Variants in LTBP2 observed in about 807,000 individuals in gnomAD.
The protein encoded by LTBP2 is latent-transforming growth factor beta-binding protein 2.
LTBP2 carries 103 observed loss-of-function variants against 210.6 expected under a neutral mutation model. The ratio of observed to expected loss-of-function variants is 0.49; its 90% confidence interval spans 0.42 to 0.58. The LOEUF (loss-of-function observed/expected upper bound fraction) is 0.58, where lower values mean the gene tolerates loss of function less well. LTBP2 is among the 20% of genes least tolerant of loss of function. The pLI is 0.00. For synonymous variants in LTBP2, 1,007 were observed against 1,015.0 expected, an observed-to-expected ratio of 0.99 and a Z score of 0.15; for missense variants, 2,313 against 2,494.5, an observed-to-expected ratio of 0.93 and a Z score of 1.55.
intron 28 of LTBP2, among the ~76,000 whole-genome samples, 155 bp downstream of exon 28, chr14:74,505,893 C>T (rs961456055): frequency 6.6e-6 from 1 of 152,178 alleles, no homozygotes; most frequent in African/African-American, 2.4e-5. Flanking sequence ...CTCCTCACCC[C>T]TCCATGCACC....
chr14:74,502,768 G>T lies in LTBP2; in HGVS notation c.5055C>A (p.Thr1685=). ...PFYNYLGPED[T]VPEPAFPNTA... ...TGTTGGGGAAGGCAGGCTCAGGGAC[G>T]GTGTCCTCGGGGCCCAGGTAGTTGT... The change falls in exon 34 of 36, where the codon ACC becomes ACA. Residue 1685 remains threonine, a synonymous_variant. Coordinates refer to ENST00000261978, the MANE Select transcript of LTBP2 (RefSeq NM_000428.3). 6.2e-7 allele frequency: 1 copy of T among 1,614,172 alleles called. No individual in the cohort carries two copies. The highest frequency in any genetic ancestry group is 8.5e-7 in the Non-Finnish European group (1 of 1,180,020).
intron 8 of LTBP2, among the ~76,000 whole-genome samples, chr14:74,545,099 G>C (rs2087561271): frequency 6.6e-6 from 1 of 152,180 alleles, no homozygotes; most frequent in Non-Finnish European, 1.5e-5. Flanking sequence ...CTTGGCTGCA[G>C]AATTCCAGTC....
At chr14:74,505,869 G>A (rs1016674546) in intron 28 of LTBP2, among the ~76,000 whole-genome samples, 179 bp downstream of exon 28, 4 of 152,048 alleles carry the variant, frequency 2.6e-5, no homozygotes, top group South Asian at 2.1e-4. Flanking sequence ...GTTTTGCTGC[G>A]CGCGGCCCTC....
rs2088214350 is a variant in LTBP2, at chr14:74,586,971, C to T, written c.566-853G>A. Reference sequence around the variant, plus strand: ...AGCCGGAGGCAAGGTGGAGCTGAAACCAGGCCCTCCTCCCGGTTAGCCCTA... The same window carrying T: ...AGCCGGAGGCAAGGTGGAGCTGAAATCAGGCCCTCCTCCCGGTTAGCCCTA... On this transcript the variant is annotated intron_variant, in intron 2 of 35. Coordinates refer to ENST00000261978, the MANE Select transcript of LTBP2 (RefSeq NM_000428.3). This position sits in a 1 kb window ranked among gnomAD's most constrained non-coding sequence, Gnocchi z 4.6. Among the ~76,000 whole-genome samples the T allele has an allele frequency of 6.6e-6, 1 of 152,216 alleles. No homozygotes were observed. The highest frequency in any genetic ancestry group is 1.5e-5 in the Non-Finnish European group (1 of 68,038).
chr14:74,565,118 T>C (rs925321016), intron 3 of LTBP2, among the ~76,000 whole-genome samples: 72 of 152,270 alleles, frequency 4.7e-4, no homozygotes, highest in African/African-American at 1.7e-3. Context: ...ACTTTTTCAC[T>C]CATTCAAAGG....
Position 74,611,984 on chromosome 14 carries a change from G to T in LTBP2, c.-40C>A. The T allele has an allele frequency of 1.3e-6, 2 of 1,514,878 alleles. No homozygotes were observed. Among genetic ancestry groups the T allele is most frequent in the Non-Finnish European group, 8.8e-7 (1 of 1,140,566 alleles). The allele number at this position is 1,514,878 out of a possible 1,614,324, so 93.8% of individuals were successfully genotyped here. A position where few individuals can be genotyped will look rare whatever the true frequency, so the allele number is the denominator to read the frequency against. ...GGAGAGTGGTGCGCGCGGGCACCGC[G>T]AAGAGCTTTGTGGTCGGCACGCTGG... is the stretch of plus-strand genomic sequence containing the variant. On this transcript the variant is annotated 5_prime_UTR_variant, in exon 1 of 36. Transcript: ENST00000261978.
intron 2 of LTBP2, among the ~76,000 whole-genome samples, chr14:74,594,205 C>A (rs1309983411): frequency 1.3e-5 from 2 of 152,092 alleles, no homozygotes; most frequent in African/African-American, 4.8e-5. Context: ...CAGGCCCCTC[C>A]CCACTGCCAC....
intron 23 of LTBP2, 27 bp downstream of exon 23, chr14:74,508,803 C>A: frequency 1.2e-6 from 2 of 1,613,490 alleles, no homozygotes; most frequent in Non-Finnish European, 1.7e-6. Context: ...GCCCCCCACC[C>A]CCAGTAGGGT....
At chr14:74,600,278 G>C (rs1490615983) in intron 2 of LTBP2, among the ~76,000 whole-genome samples, 1 of 152,240 alleles carries the variant, frequency 6.6e-6, no homozygotes, top group African/African-American at 2.4e-5. Flanking sequence ...CAAGTGGGAG[G>C]GGCTGTTGCC....
chr14:74,525,438 T>A (rs2087260411), intron 14 of LTBP2, among the ~76,000 whole-genome samples: 1 of 152,224 alleles, frequency 6.6e-6, no homozygotes, highest in East Asian at 1.9e-4. Context: ...TAATCCTCCA[T>A]GTCAGGGCCA....
chr14:74,508,503 T>C, intron 24 of LTBP2, 101 bp downstream of exon 24: 6 of 1,533,262 alleles, frequency 3.9e-6, no homozygotes, highest in African/African-American at 1.4e-5. Flanking sequence ...GGGACACCAC[T>C]CTAGTCTTAG....
At chr14:74,518,652 T>C (rs1321574599) in intron 17 of LTBP2, among the ~76,000 whole-genome samples, 1 of 152,218 alleles carries the variant, frequency 6.6e-6, no homozygotes, top group South Asian at 2.1e-4. Flanking sequence ...ACTGAAGGAA[T>C]TGAATAATAA....
chr14:74,586,244 C>CT lies in LTBP2; in HGVS notation c.566-127dup. 1.8e-6 allele frequency: 2 copies of CT among 1,103,016 alleles called. No individual in the cohort carries two copies. The highest frequency in any genetic ancestry group is 2.6e-6 in the Non-Finnish European group (2 of 776,808). The allele number at this position is 1,103,016 out of a possible 1,614,324, so 68.3% of individuals were successfully genotyped here. On this transcript the variant is annotated intron_variant, in intron 2 of 35. Transcript: ENST00000261978. This position sits in a 1 kb window ranked among gnomAD's most constrained non-coding sequence, Gnocchi z 4.6. ...CCTGTCGCTCAAGCAGGAAGCCACT[C>CT]TCCTGGCCTCAGGGGGCTCCCTGAC...
intron 3 of LTBP2, among the ~76,000 whole-genome samples, chr14:74,583,491 G>A (rs972346918): frequency 1.3e-5 from 2 of 152,238 alleles, no homozygotes; most frequent in African/African-American, 4.8e-5. Flanking sequence ...AGAGAGACTA[G>A]GCTGGCCTGG....
chr14:74,527,439 G>A lies in LTBP2; in HGVS notation c.2369-73C>T, dbSNP rs1595254500. The A allele has an allele frequency of 3.2e-6, 5 of 1,549,990 alleles. No homozygotes were observed. The East Asian group carries it at 1.2e-4, about 37-fold the overall frequency. On this transcript the variant is annotated intron_variant, in intron 12 of 35. Coordinates refer to ENST00000261978, the MANE Select transcript of LTBP2 (RefSeq NM_000428.3). Reference sequence around the variant, plus strand: ...GCCTTCTCCCCTCACCGCCACCTGGGCGGCTTCACAGTCTGCGCCCCAGAC... The same window carrying A: ...GCCTTCTCCCCTCACCGCCACCTGGACGGCTTCACAGTCTGCGCCCCAGAC...
intron 14 of LTBP2, among the ~76,000 whole-genome samples, chr14:74,525,638 C>T (rs1226901544): frequency 2.6e-5 from 4 of 152,208 alleles, no homozygotes; most frequent in Non-Finnish European, 4.4e-5. Context: ...GCAAGACAGG[C>T]ATCAGTGTCT....
intron 7 of LTBP2, among the ~76,000 whole-genome samples, chr14:74,550,206 T>C (rs1365974095): frequency 6.6e-6 from 1 of 152,208 alleles, no homozygotes; most frequent in Non-Finnish European, 1.5e-5. Flanking sequence ...ACACAAGATC[T>C]GCCCTGTGCG....
Position 74,552,210 on chromosome 14 carries a change from G to A in LTBP2, c.1376C>T (p.Thr459Ile). 1 of 1,611,246 alleles carries A rather than the reference G, an allele frequency of 6.2e-7. No individual in the cohort carries two copies. Among genetic ancestry groups the A allele is most frequent in the South Asian group, 1.1e-5 (1 of 90,924 alleles). The change falls in exon 6 of 36, where the codon ACA (threonine) becomes ATA (isoleucine). Residue 459 changes from threonine to isoleucine, a missense_variant. This residue lies in a region of LTBP2 where 1,867 missense variants were observed against 1,976.9 expected (regional missense o/e 0.94). Coordinates refer to ENST00000261978, the MANE Select transcript of LTBP2 (RefSeq NM_000428.3). ...LEAPLKQSTF[T>I]LPLSNQLASV... ...ACCCAGCTGGTTGGAGAGCGGCAGTGTGAAAGTGGACTGCTTCAGTGGGGC... is the reference window on the plus strand; with the variant it reads ...ACCCAGCTGGTTGGAGAGCGGCAGTATGAAAGTGGACTGCTTCAGTGGGGC...
intron 2 of LTBP2, among the ~76,000 whole-genome samples, chr14:74,599,665 G>A (rs1399264170): frequency 6.6e-6 from 1 of 152,236 alleles, no homozygotes; most frequent in Admixed American, 6.5e-5. Context: ...TCTAGCCCCC[G>A]CCAAGGTGGA....
Sources: allele counts gnomAD v4.1 joint callset (sites outside exome capture counted in the v4.1 genomes callset), GRCh38; gene constraint gnomAD v4.1.1; regional missense constraint gnomAD v4.1.1; non-coding constraint Gnocchi (gnomAD v3.1); transcripts MANE v1.5; gene names NCBI Gene and HGNC (gene_info 2026-07-23, HGNC 2026-07-21).